Variants in GRIK1 observed in about 807,000 individuals in gnomAD.
The protein encoded by GRIK1 is glutamate ionotropic receptor kainate type subunit 1.
A neutral mutation model predicts 105.7 loss-of-function variants in GRIK1; 69 were observed. The ratio of observed to expected loss-of-function variants is 0.65; its 90% CI spans 0.54 to 0.80. GRIK1 has a LOEUF of 0.80. GRIK1 is among the 30% of genes least tolerant of loss of function. GRIK1 has a pLI of 0.00. For synonymous variants in GRIK1, 438 were observed against 431.3 expected (o/e 1.02, Z -0.19); for missense variants, 1,109 against 1,167.3 (o/e 0.95, Z 0.73).
intron 4 of GRIK1, among the ~76,000 whole-genome samples, chr21:29,658,492 C>T (rs539342878): frequency 5.0e-4 from 76 of 152,162 alleles, no homozygotes; most frequent in Non-Finnish European, 9.1e-4. Flanking sequence ...AAACTCCTGA[C>T]CTCAAGTGAT....
chr21:29,718,732 A>G (rs2064240875), intron 1 of GRIK1, among the ~76,000 whole-genome samples: 1 of 152,168 alleles, frequency 6.6e-6, no homozygotes, highest in African/African-American at 2.4e-5. Context: ...CCGCCAAGAC[A>G]TAGAGCCAAA....
intron 1 of GRIK1, among the ~76,000 whole-genome samples, chr21:29,834,899 C>T (rs1248166000): frequency 6.7e-6 from 1 of 148,652 alleles, no homozygotes; most frequent in African/African-American, 2.5e-5. Flanking sequence ...ATTATTAGTA[C>T]TGGAGGGTTT....
At chr21:29,803,786 T>C (rs1252755221) in intron 1 of GRIK1, among the ~76,000 whole-genome samples, 1 of 152,046 alleles carries the variant, frequency 6.6e-6, no homozygotes, top group Non-Finnish European at 1.5e-5. Context: ...TTTCCTAAGC[T>C]CAGCATCCTT....
chr21:29,625,233 T>C (rs1210423754), intron 7 of GRIK1, among the ~76,000 whole-genome samples: 1 of 152,226 alleles, frequency 6.6e-6, no homozygotes, highest in Non-Finnish European at 1.5e-5. Flanking sequence ...AACTTTATCT[T>C]AATGCCTAAA....
chr21:29,638,020 A>C (rs1442009230), intron 7 of GRIK1, among the ~76,000 whole-genome samples: 1 of 152,094 alleles, frequency 6.6e-6, no homozygotes, highest in East Asian at 1.9e-4. Flanking sequence ...AATAATGATG[A>C]CTCCAATAAT....
At chr21:29,625,621 G>A (rs941745114) in intron 7 of GRIK1, among the ~76,000 whole-genome samples, 3 of 152,098 alleles carry the variant, frequency 2.0e-5, no homozygotes, top group African/African-American at 7.2e-5. Context: ...TCCCTGACAA[G>A]CACTCCCCCA....
chr21:29,562,225 G>C (rs990427511), intron 14 of GRIK1, among the ~76,000 whole-genome samples: 2 of 152,146 alleles, frequency 1.3e-5, no homozygotes, highest in African/African-American at 4.8e-5. Context: ...CCTTGATCTA[G>C]CATTCTTCTG....
At chr21:29,862,980 TAA>T (rs2068693172) in intron 1 of GRIK1, among the ~76,000 whole-genome samples, 1 of 152,230 alleles carries the variant, frequency 6.6e-6, no homozygotes, top group Non-Finnish European at 1.5e-5. Context: ...TAAAGATTTA[TAA>T]AGATTCTGAT....
intron 1 of GRIK1, among the ~76,000 whole-genome samples, chr21:29,883,133 T>G (rs2069484579): frequency 6.6e-6 from 1 of 152,120 alleles, no homozygotes; most frequent in South Asian, 2.1e-4. Context: ...AAGCAGTATT[T>G]AATATATTTG....
At chr21:29,847,581 C>T (rs2068161574) in intron 1 of GRIK1, among the ~76,000 whole-genome samples, 1 of 152,168 alleles carries the variant, frequency 6.6e-6, no homozygotes. Flanking sequence ...GGGTGAGACT[C>T]TGTCTCAAAA....
In GRIK1 at chr21:29,782,215, C is replaced by T. The variant is rs992813741; in HGVS notation, c.119-88152G>A. 1.3e-4 allele frequency among the ~76,000 whole-genome samples: 19 copies of T among 150,500 alleles called. 1 individual carries two copies. The highest frequency in any genetic ancestry group is 8.1e-4 in the East Asian group (4 of 4,936). On this transcript the variant is annotated intron_variant, in intron 1 of 17. Transcript: ENST00000327783. ...CATTCTCCTGCCTCAGCCTCCCGAG[C>T]AGCTGGGACTGCAGGCGCCCGCCAC...
At chr21:29,749,417 G>A (rs111933808) in intron 1 of GRIK1, among the ~76,000 whole-genome samples, 6,552 of 152,210 alleles carry the variant, frequency 0.043, 205 homozygotes, top group Non-Finnish European at 0.066. Flanking sequence ...TAATAGCCTT[G>A]GCCTCAGCAT....
Position 29,754,327 on chromosome 21 carries a change from G to A in GRIK1, c.119-60264C>T, listed in dbSNP as rs745885116. Among the ~76,000 whole-genome samples, 37 of 152,118 alleles carry A rather than the reference G, an allele frequency of 2.4e-4. 1 individual carries two copies. Among genetic ancestry groups the A allele is most frequent in the African/African-American group, 8.9e-4 (37 of 41,416 alleles). ...TGGAGATCGATGCTTACACATATGCGTCATGCCTACAAAGACTGAGGTCCC... is the reference window on the plus strand; with the variant it reads ...TGGAGATCGATGCTTACACATATGCATCATGCCTACAAAGACTGAGGTCCC... On this transcript the variant is annotated intron_variant, in intron 1 of 17. Transcript: ENST00000327783.
In GRIK1 at chr21:29,645,699, C is replaced by T. The variant is rs150701245; in HGVS notation, c.955-2730G>A. Among the ~76,000 whole-genome samples, 468 of 152,188 alleles carry T rather than the reference C, an allele frequency of 3.1e-3. 2 individuals carry two copies. The highest frequency in any genetic ancestry group is 3.7e-3 in the Non-Finnish European group (254 of 68,020). On this transcript the variant is annotated intron_variant, in intron 6 of 17. Coordinates refer to ENST00000327783, the MANE Select transcript of GRIK1 (RefSeq NM_001330994.2). ...TTCCTCCCCCTTTCAGTTTTGTGCT[C>T]GAGGCCTGCTTACTGAATGACTGTC...
intron 10 of GRIK1, among the ~76,000 whole-genome samples, chr21:29,590,116 T>G (rs1253086103): frequency 1.3e-5 from 2 of 152,204 alleles, no homozygotes; most frequent in Admixed American, 1.3e-4. Flanking sequence ...ATATAATAGT[T>G]GCTATACTAC....
intron 15 of GRIK1, among the ~76,000 whole-genome samples, chr21:29,556,709 G>T (rs2090265424): frequency 6.6e-6 from 1 of 152,110 alleles, no homozygotes; most frequent in South Asian, 2.1e-4. Context: ...TATATAGCAA[G>T]AAGGAAAGGA....
chr21:29,554,577 C>CT (rs2090201409), intron 16 of GRIK1, among the ~76,000 whole-genome samples: 2 of 152,068 alleles, frequency 1.3e-5, no homozygotes, highest in African/African-American at 2.4e-5. Flanking sequence ...ACAAATCTTA[C>CT]TTTGATAGAA....
At chr21:29,692,014 G>A (rs1309770076) in intron 2 of GRIK1, among the ~76,000 whole-genome samples, 1 of 152,122 alleles carries the variant, frequency 6.6e-6, no homozygotes, top group Admixed American at 6.5e-5. Context: ...GGAGAGTATG[G>A]GAGTGTGTGA....
intron 1 of GRIK1, among the ~76,000 whole-genome samples, chr21:29,792,718 T>G (rs1311226756): frequency 1.3e-5 from 2 of 152,216 alleles, no homozygotes; most frequent in African/African-American, 4.8e-5. Context: ...GAAGGCATGG[T>G]GTGGACTCAC....
Sources: gnomAD v4.1 joint callset for allele counts (sites outside exome capture counted in the v4.1 genomes callset) on GRCh38, gnomAD v4.1.1 for gene constraint, MANE v1.5 for transcripts, NCBI Gene and HGNC (gene_info 2026-07-23, HGNC 2026-07-21) for gene names.